The following COX4I2 variants were observed in gnomAD, a reference collection of about 807,000 sequenced individuals.
COX4I2 encodes cytochrome c oxidase subunit 4 isoform 2, mitochondrial.
Under a neutral mutation model 20.8 loss-of-function variants are expected in COX4I2, and 15 were observed. The ratio of observed to expected loss-of-function variants is 0.72; its 90% confidence interval spans 0.48 to 1.11. The LOEUF (loss-of-function observed/expected upper bound fraction) is 1.11, where lower values mean the gene tolerates loss of function less well. COX4I2 is among the 50% of genes most tolerant of loss of function. The pLI is 0.00. For synonymous variants in COX4I2, 80 were observed against 78.1 expected (o/e 1.02, Z -0.13); for missense variants, 224 against 223.0 (o/e 1.00, Z -0.03).
chr20:31,639,879 A>T (rs2060456650), intron 2 of COX4I2, 54 bp from the exon 3 acceptor site: 11 of 1,600,972 alleles, frequency 6.9e-6, no homozygotes, highest in Non-Finnish European at 9.4e-6. Context: ...ATATAGTTAG[A>T]GATAGGGTGT....
intron 1 of COX4I2, among the ~76,000 whole-genome samples, chr20:31,638,800 T>C (rs546019345): frequency 6.6e-6 from 1 of 152,022 alleles, no homozygotes; most frequent in East Asian, 2.0e-4. Context: ...TGAATTGAGG[T>C]CCCAAAAAGG....
intron 3 of COX4I2, among the ~76,000 whole-genome samples, chr20:31,640,994 C>CAT (rs1555854303): frequency 2.1e-5 from 3 of 145,480 alleles, no homozygotes; most frequent in Non-Finnish European, 3.0e-5. Context: ...CACACACACA[C>CAT]ATCTTGGTTT....
intron 1 of COX4I2, among the ~76,000 whole-genome samples, chr20:31,638,313 C>T (rs2060447585): frequency 6.6e-6 from 1 of 151,870 alleles, no homozygotes; most frequent in African/African-American, 2.4e-5. Flanking sequence ...CCTCTCTCTC[C>T]CTAGATGTGG....
intron 1 of COX4I2, 85 bp from the exon 2 acceptor site, chr20:31,638,933 G>A: frequency 2.9e-6 from 4 of 1,383,310 alleles, no homozygotes; most frequent in Non-Finnish European, 4.0e-6. Context: ...CATACCAGTG[G>A]AAAAGGATTT....
rs770616004 is a variant in COX4I2 at position 31,639,558 on chromosome 20, C to CTTTTTTTTTT, written c.83-369_83-360dup. On this transcript the variant is annotated intron_variant, in intron 2 of 4. Coordinates refer to ENST00000376075, the MANE Select transcript of COX4I2 (RefSeq NM_032609.3). ...AGTACCCCAAGCTATTATAAACCTC[C>CTTTTTTTTTT]TTTTTTTTTTTTTTTGAGATAGAGT... Among the ~76,000 whole-genome samples, 73 of 133,100 alleles carry CTTTTTTTTTT rather than the reference C, an allele frequency of 5.5e-4. 4 individuals carry two copies. Among genetic ancestry groups the CTTTTTTTTTT allele is most frequent in the Non-Finnish European group, 7.6e-4 (48 of 63,492 alleles). 87.3% of individuals were successfully genotyped at this position (133,100 alleles called of 152,430 possible).
At chr20:31,644,677 C>A in intron 4 of COX4I2, 91 bp from the exon 5 acceptor site, 3 of 1,473,746 alleles carry the variant, frequency 2.0e-6, no homozygotes, top group South Asian at 1.1e-5. Context: ...GTCAGCCTTG[C>A]GAGTGGCTGG....
At chr20:31,644,731 T>A (rs762992887) in intron 4 of COX4I2, 37 bp from the exon 5 acceptor site, 2 of 1,613,256 alleles carry the variant, frequency 1.2e-6, no homozygotes, top group Non-Finnish European at 1.7e-6. Context: ...GTAGGAAGAC[T>A]GGCAGGATCC....
chr20:31,644,988 G>A lies in COX4I2; in HGVS notation c.*84G>A. On this transcript the variant is annotated 3_prime_UTR_variant, in exon 5 of 5. Transcript: ENST00000376075. ...CTCCCCTCCCCTGCCCTTAACCCCA[G>A]TAAAGCTCCAAAAAAAAATTTATTC... 3 of 1,508,584 alleles carry A rather than the reference G, an allele frequency of 2.0e-6. No homozygotes were observed. Among genetic ancestry groups the A allele is most frequent in the Middle Eastern group, 2.1e-4 (1 of 4,700 alleles). The allele number at this position is 1,508,584 out of a possible 1,614,324, so 93.4% of individuals were successfully genotyped here.
At chr20:31,644,452 A>T (rs2060484642) in intron 4 of COX4I2, among the ~76,000 whole-genome samples, 1 of 152,130 alleles carries the variant, frequency 6.6e-6, no homozygotes, top group Non-Finnish European at 1.5e-5. Flanking sequence ...CAAATCAGTG[A>T]TCTTATTACC....
chr20:31,638,726 C>T (rs924306424), intron 1 of COX4I2, among the ~76,000 whole-genome samples: 5 of 152,088 alleles, frequency 3.3e-5, no homozygotes, highest in Non-Finnish European at 7.4e-5. Context: ...AGAACCCAAG[C>T]CCTCAGCCTC....
intron 3 of COX4I2, among the ~76,000 whole-genome samples, chr20:31,640,809 A>T (rs2060463394): frequency 6.6e-6 from 1 of 152,092 alleles, no homozygotes; most frequent in African/African-American, 2.4e-5. Flanking sequence ...ACATTCATTC[A>T]TTCAGTCAAC....
chr20:31,642,586 C>G (rs1263861563), intron 3 of COX4I2, among the ~76,000 whole-genome samples: 1 of 151,648 alleles, frequency 6.6e-6, no homozygotes, highest in Non-Finnish European at 1.5e-5. Flanking sequence ...ACTACAGGTG[C>G]CCGCCACCAC....
At position 31,639,105 on chromosome 20, in the gene COX4I2, A is replaced by ACCTGGACT. The variant is rs748384370; in HGVS notation, c.82+10_82+17dup. 6.3e-5 allele frequency: 101 copies of ACCTGGACT among 1,606,016 alleles called. No individual in the cohort carries two copies. Among genetic ancestry groups the ACCTGGACT allele is most frequent in the Non-Finnish European group, 4.7e-5 (55 of 1,176,492 alleles). On this transcript the variant is annotated splice_region_variant and intron_variant, in intron 2 of 4. Coordinates refer to ENST00000376075, the MANE Select transcript of COX4I2 (RefSeq NM_032609.3). ...GCACAGCTCAGAAGGCACCAGTGAG[A>ACCTGGACT]CCTGGACTCCTTCCTCCCTGCCTAA... is the stretch of plus-strand genomic sequence containing the variant.
rs6060446 is a variant in COX4I2 at position 31,643,834 on chromosome 20, T to C, written c.379+299T>C. Among the ~76,000 whole-genome samples the C allele has an allele frequency of 0.27, 41,750 of 152,070 alleles. 7,291 individuals are homozygous for C. The highest frequency in any genetic ancestry group is 0.49 in the African/African-American group (20,344 of 41,478). On this transcript the variant is annotated intron_variant, in intron 4 of 4. Transcript: ENST00000376075. ...GTGTTTGGCTCATAGTCATGAATGGTGTTGTAACTGATTGTTGTGTATGAA... is the reference window on the plus strand; with the variant it reads ...GTGTTTGGCTCATAGTCATGAATGGCGTTGTAACTGATTGTTGTGTATGAA...
chr20:31,638,083 C>T (rs1207246980), intron 1 of COX4I2, 121 bp downstream of exon 1: 1 of 152,184 alleles, frequency 6.6e-6, no homozygotes. Flanking sequence ...GGTTGGGGGG[C>T]TTCTTGTAGG....
chr20:31,639,031 C>CT lies in COX4I2; in HGVS notation c.15dup (p.Ala6CysfsTer55). 6.2e-7 allele frequency: 1 copy of CT among 1,611,488 alleles called. No homozygotes were observed. ...TCACGCCCCCAGATGCTCCCCAGAGCTGCCTGGAGCTTGGTGCTGAGGAAA... is the reference window on the plus strand; with the variant it reads ...TCACGCCCCCAGATGCTCCCCAGAGCTTGCCTGGAGCTTGGTGCTGAGGAAA... On this transcript the variant is annotated frameshift_variant, in exon 2 of 5. Transcript: ENST00000376075. LOFTEE classifies it high-confidence loss of function.
chr20:31,640,120 C>T (rs1471607152), intron 3 of COX4I2, 23 bp downstream of exon 3: 1 of 1,591,786 alleles, frequency 6.3e-7, no homozygotes, highest in Non-Finnish European at 8.5e-7. Flanking sequence ...GTGGGGCTGG[C>T]TGGAGAGAGT....
rs557000844 is a variant in COX4I2, at chr20:31,639,968, T to C, written c.118T>C (p.Cys40Arg). The change falls in exon 3 of 5, where the codon TGC becomes CGC. Residue 40 changes from cysteine (C) to arginine (R), a missense_variant. Cys to Arg is a radical substitution (Grantham distance 180). Transcript: ENST00000376075. ...GGGKMSPYTN[C>R]YAQRYYPMPE... ...GGGGAAGATGTCCCCCTACACCAAC[T>C]GCTATGCCCAGCGCTACTACCCCAT... is the stretch of plus-strand genomic sequence containing the variant. 5.5e-5 allele frequency: 88 copies of C among 1,614,148 alleles called. 1 individual carries two copies. The South Asian group carries it at 9.3e-4, about 17-fold the overall frequency.
In COX4I2 at chr20:31,640,204, GA is replaced by G. The variant is rs1320289582; in HGVS notation, c.247+110del. 9 of 1,225,070 alleles carry G rather than the reference GA, an allele frequency of 7.3e-6. No individual in the cohort carries two copies. In the African/African-American group the frequency reaches 1.4e-4, roughly 18 times the overall value. The allele number at this position is 1,225,070 out of a possible 1,614,324, so 75.9% of individuals were successfully genotyped here. ...CAGAGAGAGGCCCCCAAGACAGCCA[GA>G]AACCTCCAAACACCTGAGGGGTGAA... On this transcript the variant is annotated intron_variant, in intron 3 of 4. Coordinates refer to ENST00000376075, the MANE Select transcript of COX4I2 (RefSeq NM_032609.3).
Sources: allele counts gnomAD v4.1 joint callset (sites outside exome capture counted in the v4.1 genomes callset), GRCh38; gene constraint gnomAD v4.1.1; transcripts MANE v1.5; gene names NCBI Gene and HGNC (gene_info 2026-07-23, HGNC 2026-07-21).